ZSCAN31: variants seen among roughly 807,000 people sequenced by gnomAD.
The protein encoded by ZSCAN31 is zinc finger and SCAN domain containing 31.
Under a neutral mutation model 22.5 loss-of-function variants are expected in ZSCAN31, and 14 were observed. The ratio of observed to expected loss-of-function variants is 0.62; its 90% CI spans 0.41 to 0.97. The LOEUF is 0.97. Ranked by LOEUF, ZSCAN31 falls within the 50% of genes least tolerant of loss-of-function variation. The pLI, the probability that ZSCAN31 is intolerant of heterozygous loss-of-function variation, is 0.00. For missense variants in ZSCAN31, 424 were observed against 483.4 expected (o/e 0.88, Z 1.15); for synonymous variants, 168 against 169.8 (o/e 0.99, Z 0.08).
rs1278383882 is a variant in ZSCAN31 at position 28,349,306 on chromosome 6, A to G, written c.-371+4556T>C. ...AATGAATAAAGTTACTAATGTTTCC[A>G]TTCAGGTATCTTTTGTAAGTATTTG... On this transcript the variant is annotated intron_variant, in intron 2 of 7. Coordinates refer to the ZSCAN31 transcript ENST00000396838. The surrounding 1 kb of genome is among the most constrained non-coding windows in gnomAD (Gnocchi z 4.1). Among the ~76,000 whole-genome samples the G allele has an allele frequency of 1.3e-5, 2 of 151,854 alleles. No individual in the cohort carries two copies. Among genetic ancestry groups the G allele is most frequent in the Non-Finnish European group, 2.9e-5 (2 of 67,926 alleles).
rs1307697401 is a variant in ZSCAN31, at chr6:28,333,121, G to T, written c.-96+2961C>A. 7.2e-5 allele frequency among the ~76,000 whole-genome samples: 11 copies of T among 152,164 alleles called. No individual in the cohort carries two copies. The East Asian group carries it at 2.1e-3, about 29-fold the overall frequency. On this transcript the variant is annotated intron_variant, in intron 1 of 3. Coordinates refer to ENST00000344279, the MANE Select transcript of ZSCAN31 (RefSeq NM_030899.5). This position sits in a 1 kb window ranked among gnomAD's most constrained non-coding sequence, Gnocchi z 4.1. ...GGGGATTAAATGTGGTGTGTCTCAG[G>T]TTGTAGGGAACCAGGCTCACTGTTT...
In ZSCAN31 at chr6:28,325,502, G is replaced by A. The variant is rs1017923719; in HGVS notation, c.*664C>T. ...ATGATATCAACATATATATTGATTC[G>A]TATCAAAAACATGAGTTAGATATGA... is the stretch of plus-strand genomic sequence containing the variant. On this transcript the variant is annotated 3_prime_UTR_variant, in exon 4 of 4. Transcript: ENST00000344279. The A allele has an allele frequency of 5.9e-5, 9 of 151,748 alleles. No homozygotes were observed. The highest frequency in any genetic ancestry group is 1.9e-4 in the East Asian group (1 of 5,190). 9.4% of individuals were successfully genotyped at this position (151,748 alleles called of 1,614,324 possible).
rs1764803074 is a variant in ZSCAN31 at position 28,349,190 on chromosome 6, TCA to T, written c.-371+4670_-371+4671del. Among the ~76,000 whole-genome samples, 1 of 55,562 alleles carries T rather than the reference TCA, an allele frequency of 1.8e-5. No individual in the cohort carries two copies. Among genetic ancestry groups the T allele is most frequent in the Non-Finnish European group, 2.9e-5 (1 of 34,438 alleles). 36.5% of individuals were successfully genotyped at this position (55,562 alleles called of 152,430 possible). ...ATATATATAGGTGTATATATATGTC[TCA>T]TATATATAGGTGTATATATATGTCT... On this transcript the variant is annotated intron_variant, in intron 2 of 7. Transcript: ENST00000396838. The surrounding 1 kb of genome is among the most constrained non-coding windows in gnomAD (Gnocchi z 4.1).
At chr6:28,343,248 G>C (rs1329343383) in intron 2 of ZSCAN31, among the ~76,000 whole-genome samples, 1 of 152,084 alleles carries the variant, frequency 6.6e-6, no homozygotes, top group Non-Finnish European at 1.5e-5. Flanking sequence ...TATTGTACTG[G>C]AAAAAGCCAA....
Position 28,326,718 on chromosome 6 carries a change from G to C in ZSCAN31, c.669C>G (p.Asp223Glu). The change falls in exon 4 of 4, where the codon GAC becomes GAG. Residue 223 changes from aspartate to glutamate, a missense_variant. Physicochemically the swap from Asp to Glu is conservative, Grantham distance 45. Transcript: ENST00000344279. Reference protein sequence around the residue: ...DSKYRETCKRDSKAEKQQAHS... With the variant: ...DSKYRETCKRESKAEKQQAHS... ...GTGCCTGCTGCTTTTCTGCCTTGCT[G>C]TCTCGTTTACAAGTTTCTCTGTACT... The C allele has an allele frequency of 6.2e-7, 1 of 1,614,078 alleles. No individual in the cohort carries two copies. Among genetic ancestry groups the C allele is most frequent in the Non-Finnish European group, 8.5e-7 (1 of 1,180,034 alleles).
upstream of ZSCAN31, chr6:28,338,030 T>C (rs1764264491): frequency 6.6e-6 from 1 of 151,648 alleles, no homozygotes; most frequent in Non-Finnish European, 1.5e-5. Context: ...AGTGACAGAC[T>C]GAGACCCTGT....
At position 28,349,762 on chromosome 6, in the gene ZSCAN31, T is replaced by G. The variant is rs1764844137; in HGVS notation, c.-371+4100A>C. Among the ~76,000 whole-genome samples, 2 of 152,248 alleles carry G rather than the reference T, an allele frequency of 1.3e-5. No individual in the cohort carries two copies. Among genetic ancestry groups the G allele is most frequent in the Admixed American group, 1.3e-4 (2 of 15,288 alleles). On this transcript the variant is annotated intron_variant, in intron 2 of 7. Coordinates refer to the ZSCAN31 transcript ENST00000396838. The surrounding 1 kb of genome is among the most constrained non-coding windows in gnomAD (Gnocchi z 4.1). ...TTCTATTCGCAAATATAGCAAATTATGAAAATAATTCTGCACCTTGCCTTT... is the reference window on the plus strand; with the variant it reads ...TTCTATTCGCAAATATAGCAAATTAGGAAAATAATTCTGCACCTTGCCTTT...
At chr6:28,334,937 G>T (rs1764025146) in intron 1 of ZSCAN31, among the ~76,000 whole-genome samples, 1 of 152,086 alleles carries the variant, frequency 6.6e-6, no homozygotes, top group Admixed American at 6.5e-5. Context: ...TTATGAGGTT[G>T]GTGGTTTTTA....
intron 1 of ZSCAN31, 67 bp from the exon 2 acceptor site, chr6:28,329,845 G>C (rs1357267426): frequency 4.0e-6 from 3 of 751,256 alleles, no homozygotes; most frequent in Non-Finnish European, 6.2e-6. Flanking sequence ...AGCAAAGTAT[G>C]GAAACATGAA....
upstream of ZSCAN31, chr6:28,355,465 A>G (rs1444519564): frequency 3.9e-5 from 6 of 152,254 alleles, no homozygotes; most frequent in South Asian, 8.3e-4. Flanking sequence ...AGTTGGGACC[A>G]AAAGTCTACT....
chr6:28,355,808 C>G (rs921670300), upstream of ZSCAN31: 1 of 152,316 alleles, frequency 6.6e-6, no homozygotes, highest in African/African-American at 2.4e-5. Context: ...GTTCCTGGCT[C>G]TCTGGAGCAA....
chr6:28,326,872 C>T lies in ZSCAN31; in HGVS notation c.533-18G>A, dbSNP rs1763323803. The T allele has an allele frequency of 6.3e-7, 1 of 1,575,528 alleles. No individual in the cohort carries two copies. Among genetic ancestry groups the T allele is most frequent in the Non-Finnish European group, 8.7e-7 (1 of 1,155,982 alleles). On this transcript the variant is annotated intron_variant, in intron 3 of 3. Coordinates refer to ENST00000344279, the MANE Select transcript of ZSCAN31 (RefSeq NM_030899.5). ...TTCACCATCTGGAATAATAAATGGA[C>T]CAAACAATGTAATCTCTTTCCTTTA...
chr6:28,354,588 A>C (rs1561931583), upstream of ZSCAN31, among the ~76,000 whole-genome samples: 1 of 152,230 alleles, frequency 6.6e-6, no homozygotes, highest in Admixed American at 6.5e-5. Flanking sequence ...CATAAGCCTG[A>C]CACATAAGCT....
At chr6:28,328,328 A>C (rs1763463379) in intron 2 of ZSCAN31, among the ~76,000 whole-genome samples, 1 of 152,140 alleles carries the variant, frequency 6.6e-6, no homozygotes, top group Admixed American at 6.5e-5. Context: ...ACTGGGGTCT[A>C]TTTCACCCCA....
At chr6:28,350,320 G>T (rs1561927215) in intron 2 of ZSCAN31, 1 of 152,210 alleles carries the variant, frequency 6.6e-6, no homozygotes, top group Non-Finnish European at 1.5e-5. Flanking sequence ...TTGGAGACGG[G>T]ATGCATGGGT....
At chr6:28,355,072 G>A (rs1052754751), upstream of ZSCAN31, among the ~76,000 whole-genome samples, 1 of 152,186 alleles carries the variant, frequency 6.6e-6, no homozygotes, top group Non-Finnish European at 1.5e-5. Flanking sequence ...ACCTATCTGT[G>A]TACCATGCCC....
At chr6:28,336,698 T>G (rs1764191128), upstream of ZSCAN31, 1 of 152,244 alleles carries the variant, frequency 6.6e-6, no homozygotes, top group Admixed American at 6.5e-5. Flanking sequence ...GCTTTGTTTC[T>G]TGAGAACACA....
chr6:28,348,293 T>C (rs1024140588), intron 2 of ZSCAN31, among the ~76,000 whole-genome samples: 3 of 152,200 alleles, frequency 2.0e-5, no homozygotes, highest in African/African-American at 7.2e-5. Flanking sequence ...AATCTTGTTT[T>C]ACTTGAGCTC....
At chr6:28,352,562 T>C (rs116186273) in intron 2 of ZSCAN31, among the ~76,000 whole-genome samples, 4,862 of 152,310 alleles carry the variant, frequency 0.032, 104 homozygotes, top group Middle Eastern at 0.054. Flanking sequence ...TTGATCTTGA[T>C]TGTACCCAAG....
Sources: allele counts gnomAD v4.1 joint callset (sites outside exome capture counted in the v4.1 genomes callset), GRCh38; gene constraint gnomAD v4.1.1; non-coding constraint Gnocchi (gnomAD v3.1); transcripts MANE v1.5; gene names NCBI Gene and HGNC (gene_info 2026-07-23, HGNC 2026-07-21).